TRPC5: variants seen among roughly 807,000 people sequenced by gnomAD.
TRPC5 encodes the protein transient receptor potential cation channel subfamily C member 5, also known as short transient receptor potential channel 5.
In TRPC5, 9 loss-of-function variants were observed where a neutral mutation model predicts 56.5. The ratio of observed to expected loss-of-function variants is 0.16; its 90% CI spans 0.10 to 0.28. The LOEUF is 0.28. Among genes scored for constraint, TRPC5 ranks in the 10% least tolerant of loss-of-function variants. The pLI, the probability that TRPC5 is intolerant of heterozygous loss-of-function variation, is 1.00. For missense variants in TRPC5, 469 were observed against 748.9 expected (o/e 0.63, Z 4.36); for synonymous variants, 282 against 278.5 (o/e 1.01, Z -0.13).
At chrX:112,036,870 C>T (rs1055032312) in intron 1 of TRPC5, among the ~76,000 whole-genome samples, 20 of 111,117 alleles carry the variant, frequency 1.8e-4, no homozygotes, top group East Asian at 5.7e-4. Context: ...TTATAAGCAA[C>T]GCTGGTCTCC....
chrX:111,978,802 G>T lies in TRPC5; in HGVS notation c.-21-26361C>A, dbSNP rs111772399. ...AAGGTTACCATTAATTAGTTAATTA[G>T]CTGGTAATAATTTCACAATGTATAT... On this transcript the variant is annotated intron_variant, in intron 1 of 10. Coordinates refer to ENST00000262839, the MANE Select transcript of TRPC5 (RefSeq NM_012471.3). 5.0e-4 allele frequency among the ~76,000 whole-genome samples: 56 copies of T among 111,142 alleles called. 1 individual carries two copies. Among genetic ancestry groups the T allele is most frequent in the African/African-American group, 1.8e-3 (54 of 30,730 alleles).
At chrX:111,945,781 G>A (rs1342970346) in intron 2 of TRPC5, among the ~76,000 whole-genome samples, 1 of 111,952 alleles carries the variant, frequency 8.9e-6, no homozygotes, top group Non-Finnish European at 1.9e-5. Flanking sequence ...AGCCAAGGAA[G>A]GCAGTGGTTT....
At chrX:112,081,845 T>G (rs1930974230) in intron 1 of TRPC5, 34 bp downstream of exon 1, 1 of 111,868 alleles carries the variant, frequency 8.9e-6, no homozygotes, top group Non-Finnish European at 1.9e-5. Context: ...ACTCAGGCAG[T>G]GAAATGGACC....
chrX:111,852,933 A>ATT (rs373884953), intron 4 of TRPC5, among the ~76,000 whole-genome samples: 1 of 108,801 alleles, frequency 9.2e-6, no homozygotes, highest in African/African-American at 3.4e-5. Context: ...TTTATAACTC[A>ATT]TTTTTTTTTC....
chrX:111,973,369 T>C (rs1156457900), intron 1 of TRPC5, among the ~76,000 whole-genome samples: 1 of 112,235 alleles, frequency 8.9e-6, no homozygotes, highest in Non-Finnish European at 1.9e-5. Context: ...GCCATTTTAA[T>C]AGAGGATTCT....
At chrX:111,969,501 G>T (rs1262696274) in intron 1 of TRPC5, among the ~76,000 whole-genome samples, 1 of 111,861 alleles carries the variant, frequency 8.9e-6, no homozygotes, top group Admixed American at 9.5e-5. Flanking sequence ...AATACATGGA[G>T]GATATCAGTG....
chrX:112,023,244 TTG>T (rs1489965868), intron 1 of TRPC5, among the ~76,000 whole-genome samples: 5 of 97,807 alleles, frequency 5.1e-5, no homozygotes, highest in African/African-American at 1.7e-4. Context: ...GTTTTTTTTT[TTG>T]TTTTTTTTTT....
intron 2 of TRPC5, among the ~76,000 whole-genome samples, chrX:111,922,744 T>C (rs928272304): frequency 8.0e-5 from 9 of 111,854 alleles, no homozygotes; most frequent in Non-Finnish European, 1.9e-5. Context: ...ATAATTTAGA[T>C]TGGAAGACTG....
At chrX:112,059,087 T>A (rs892016919) in intron 1 of TRPC5, among the ~76,000 whole-genome samples, 9 of 111,715 alleles carry the variant, frequency 8.1e-5, no homozygotes, top group African/African-American at 2.9e-4. Context: ...TCCATCATGT[T>A]AATTCCATTC....
rs894138478 is a variant in TRPC5, at chrX:111,768,260, T to C, written c.*8053A>G. 2.7e-5 allele frequency among the ~76,000 whole-genome samples: 3 copies of C among 112,236 alleles called. No individual in the cohort carries two copies. The highest frequency in any genetic ancestry group is 9.7e-5 in the African/African-American group (3 of 30,953). ...ATGATTATGCTCAAGATGTATCATTTTAAACTGAAATTTGACACACTTTCT... is the reference window on the plus strand; with the variant it reads ...ATGATTATGCTCAAGATGTATCATTCTAAACTGAAATTTGACACACTTTCT... On this transcript the variant is annotated 3_prime_UTR_variant, in exon 11 of 11. Transcript: ENST00000262839.
chrX:111,896,607 A>T (rs1176080743), intron 3 of TRPC5: 1 of 111,419 alleles, frequency 9.0e-6, no homozygotes, highest in Non-Finnish European at 1.9e-5. Flanking sequence ...TAGGGGACTG[A>T]TCTGCCTAAG....
At chrX:111,967,476 A>T (rs1485902121) in intron 1 of TRPC5, among the ~76,000 whole-genome samples, 1 of 111,865 alleles carries the variant, frequency 8.9e-6, no homozygotes, top group Non-Finnish European at 1.9e-5. Flanking sequence ...CTGGAAAAAA[A>T]CTACTTTAAA....
At chrX:112,027,129 C>A (rs778189106) in intron 1 of TRPC5, among the ~76,000 whole-genome samples, 1 of 111,689 alleles carries the variant, frequency 9.0e-6, no homozygotes, top group East Asian at 2.8e-4. Context: ...TAAGTTTTGG[C>A]CTTCTAGAAG....
intron 4 of TRPC5, 107 bp downstream of exon 4, chrX:111,853,663 G>GGGGGGGGTGC: frequency 1.4e-6 from 1 of 702,791 alleles, no homozygotes. Flanking sequence ...CATGGGGGTG[G>GGGGGGGGTGC]GGTGGGGGTG....
At chrX:111,879,498 C>T (rs1243518088) in intron 3 of TRPC5, among the ~76,000 whole-genome samples, 1 of 112,292 alleles carries the variant, frequency 8.9e-6, no homozygotes, top group African/African-American at 3.2e-5. Flanking sequence ...CTTGAATCTT[C>T]TTACTGCCCT....
At chrX:112,075,705 G>A (rs1333241346) in intron 1 of TRPC5, among the ~76,000 whole-genome samples, 1 of 111,941 alleles carries the variant, frequency 8.9e-6, no homozygotes, top group Non-Finnish European at 1.9e-5. Flanking sequence ...AGAAGAGACA[G>A]GAGTTGGCCA....
intron 3 of TRPC5, among the ~76,000 whole-genome samples, chrX:111,865,021 CAG>C (rs1318095387): frequency 7.3e-4 from 81 of 110,596 alleles, no homozygotes; most frequent in African/African-American, 2.6e-3. Flanking sequence ...CTTTTTGAGA[CAG>C]AGTACCGCTC....
chrX:111,989,536 T>C (rs1928297995), intron 1 of TRPC5, among the ~76,000 whole-genome samples: 1 of 112,015 alleles, frequency 8.9e-6, no homozygotes, highest in South Asian at 3.8e-4. Flanking sequence ...AAGACTTTCA[T>C]GAATGAGCCT....
At chrX:111,988,789 T>A (rs1000423578) in intron 1 of TRPC5, among the ~76,000 whole-genome samples, 1 of 111,339 alleles carries the variant, frequency 9.0e-6, no homozygotes, top group Non-Finnish European at 1.9e-5. Context: ...TGATTTTAAT[T>A]CCATGAAGAC....
Sources: allele counts gnomAD v4.1 joint callset (sites outside exome capture counted in the v4.1 genomes callset), GRCh38; gene constraint gnomAD v4.1.1; transcripts MANE v1.5; gene names NCBI Gene and HGNC (gene_info 2026-07-23, HGNC 2026-07-21).